EXOC4: variants seen among roughly 807,000 people sequenced by gnomAD.
EXOC4 encodes the protein exocyst complex component 4, also known as SEC8-like 1.
Under a neutral mutation model 107.2 loss-of-function variants are expected in EXOC4, and 71 were observed. The observed-to-expected ratio is 0.66, with a 90% CI of 0.55 to 0.81. EXOC4 has a LOEUF of 0.81. Ranked by LOEUF, EXOC4 falls within the 30% of genes least tolerant of loss-of-function variation. The pLI is 0.00. For missense variants in EXOC4, 1,108 were observed against 1,189.6 expected, an observed-to-expected ratio of 0.93 and a Z score of 1.01; for synonymous variants, 456 against 441.2, an observed-to-expected ratio of 1.03 and a Z score of -0.42.
intron 10 of EXOC4, among the ~76,000 whole-genome samples, chr7:133,816,877 G>A (rs991049160): frequency 6.6e-6 from 1 of 152,184 alleles, no homozygotes; most frequent in African/African-American, 2.4e-5. Context: ...ACCACCTGCT[G>A]TGCGGTCTGG....
At chr7:133,811,896 C>A (rs571854629) in intron 10 of EXOC4, among the ~76,000 whole-genome samples, 1 of 152,146 alleles carries the variant, frequency 6.6e-6, no homozygotes, top group Non-Finnish European at 1.5e-5. Flanking sequence ...ATCAAAGGAC[C>A]TTTTAATTAT....
At chr7:134,049,991 A>G (rs1485767299) in intron 17 of EXOC4, among the ~76,000 whole-genome samples, 3 of 152,232 alleles carry the variant, frequency 2.0e-5, no homozygotes, top group Admixed American at 1.3e-4. Flanking sequence ...AGAATGAGGC[A>G]GGTTGATATG....
At chr7:133,670,443 GGCCTATT>G (rs760990903) in intron 10 of EXOC4, among the ~76,000 whole-genome samples, 34 of 152,264 alleles carry the variant, frequency 2.2e-4, no homozygotes, top group Admixed American at 3.9e-4. Flanking sequence ...GCATGCTCTT[GGCCTATT>G]GCTAACGAGC....
intron 11 of EXOC4, among the ~76,000 whole-genome samples, chr7:133,833,176 A>T (rs1168026101): frequency 5.3e-5 from 5 of 95,156 alleles, no homozygotes; most frequent in East Asian, 6.1e-4. Context: ...TAACACAATG[A>T]TTTTTCTTCT....
At chr7:133,420,979 G>T (rs991578857) in intron 7 of EXOC4, among the ~76,000 whole-genome samples, 1 of 151,312 alleles carries the variant, frequency 6.6e-6, no homozygotes, top group African/African-American at 2.4e-5. Flanking sequence ...AAAAAAAATT[G>T]TTCCTTTCCC....
intron 10 of EXOC4, among the ~76,000 whole-genome samples, chr7:133,661,873 C>T (rs1338309629): frequency 6.6e-6 from 1 of 151,814 alleles, no homozygotes; most frequent in African/African-American, 2.4e-5. Context: ...CTCCTTAGTA[C>T]TTAGAGAGTA....
intron 10 of EXOC4, among the ~76,000 whole-genome samples, chr7:133,760,083 T>G (rs1796001631): frequency 6.6e-6 from 1 of 152,108 alleles, no homozygotes; most frequent in Non-Finnish European, 1.5e-5. Flanking sequence ...TTTTTAGGGG[T>G]GCTGTTGTGC....
At chr7:134,047,156 T>G (rs963765065) in intron 17 of EXOC4, among the ~76,000 whole-genome samples, 1 of 152,258 alleles carries the variant, frequency 6.6e-6, no homozygotes, top group Non-Finnish European at 1.5e-5. Context: ...AGTTTTTGTG[T>G]GGTCCAAAGC....
intron 17 of EXOC4, among the ~76,000 whole-genome samples, chr7:134,051,975 G>A (rs532723528): frequency 1.5e-4 from 22 of 145,364 alleles, no homozygotes; most frequent in African/African-American, 2.1e-4. Flanking sequence ...AATAGAGCAC[G>A]ACTCCATCTC....
At chr7:134,007,268 G>A (rs1286092111) in intron 16 of EXOC4, among the ~76,000 whole-genome samples, 1 of 152,160 alleles carries the variant, frequency 6.6e-6, no homozygotes, top group East Asian at 1.9e-4. Context: ...CTTTGTAGGA[G>A]GAAGGAGAGG....
At chr7:133,760,863 T>C (rs1466376549) in intron 10 of EXOC4, among the ~76,000 whole-genome samples, 1 of 152,142 alleles carries the variant, frequency 6.6e-6, no homozygotes, top group Non-Finnish European at 1.5e-5. Flanking sequence ...TAGGAAATGC[T>C]CTTATTTCAA....
chr7:134,009,944 G>A (rs1238522844), intron 17 of EXOC4: 1 of 152,194 alleles, frequency 6.6e-6, no homozygotes, highest in Non-Finnish European at 1.5e-5. Context: ...TTCAGGAACT[G>A]AGTCCCAACC....
At chr7:133,958,793 G>A (rs1017973915) in intron 14 of EXOC4, among the ~76,000 whole-genome samples, 1 of 152,188 alleles carries the variant, frequency 6.6e-6, no homozygotes, top group African/African-American at 2.4e-5. Flanking sequence ...TTGCAGCTGA[G>A]CACTGGAGTT....
intron 17 of EXOC4, among the ~76,000 whole-genome samples, chr7:134,021,412 A>G (rs1795025160): frequency 6.6e-6 from 1 of 152,130 alleles, no homozygotes; most frequent in Admixed American, 6.5e-5. Context: ...TGACCTATAA[A>G]GGTCTTATAA....
intron 12 of EXOC4, among the ~76,000 whole-genome samples, chr7:133,905,581 G>A (rs916268642): frequency 3.9e-5 from 6 of 152,072 alleles, no homozygotes; most frequent in Admixed American, 6.6e-5. Context: ...ATTGGAAATC[G>A]CAGTTTTCGG....
intron 9 of EXOC4, among the ~76,000 whole-genome samples, chr7:133,587,568 CA>C (rs1275631719): frequency 6.6e-6 from 1 of 152,184 alleles, no homozygotes; most frequent in African/African-American, 2.4e-5. Context: ...AAGGTGTTTG[CA>C]TGTCAGATTG....
intron 11 of EXOC4, among the ~76,000 whole-genome samples, chr7:133,878,026 T>C (rs747692200): frequency 6.6e-6 from 1 of 152,228 alleles, no homozygotes; most frequent in Non-Finnish European, 1.5e-5. Context: ...TCCTATATTT[T>C]GTCTGGTTTT....
At chr7:133,676,115 CATT>C (rs1794051972) in intron 10 of EXOC4, among the ~76,000 whole-genome samples, 1 of 151,940 alleles carries the variant, frequency 6.6e-6, no homozygotes, top group African/African-American at 2.4e-5. Flanking sequence ...GAATTGCAGT[CATT>C]CATTCATTCA....
At chr7:133,722,636 A>G (rs1795128828) in intron 10 of EXOC4, among the ~76,000 whole-genome samples, 1 of 152,176 alleles carries the variant, frequency 6.6e-6, no homozygotes, top group Non-Finnish European at 1.5e-5. Flanking sequence ...TAGGCATTTT[A>G]AAGGTCATTG....
Sources: gnomAD v4.1 joint callset for allele counts (sites outside exome capture counted in the v4.1 genomes callset) on GRCh38, gnomAD v4.1.1 for gene constraint, MANE v1.5 for transcripts, NCBI Gene and HGNC (gene_info 2026-07-23, HGNC 2026-07-21) for gene names.